The following SMS variants were observed in gnomAD, a reference collection of about 807,000 sequenced individuals.
SMS encodes the protein spermidine aminopropyltransferase.
SMS carries 3 observed loss-of-function variants against 33.0 expected under a neutral mutation model. The observed-to-expected ratio is 0.09, with a 90% CI of 0.04 to 0.23. The LOEUF is 0.23. Among genes scored for constraint, SMS ranks in the 10% least tolerant of loss-of-function variants. The probability of loss-of-function intolerance (pLI) is 1.00; values close to 1 mark genes in which losing one functional copy is unlikely to be tolerated. For synonymous variants in SMS, 103 were observed against 112.2 expected (o/e 0.92, Z 0.52); for missense variants, 117 against 288.6 (o/e 0.41, Z 4.31).
intron 1 of SMS, among the ~76,000 whole-genome samples, chrX:21,953,275 C>T (rs941099228): frequency 9.5e-6 from 1 of 105,562 alleles, no homozygotes; most frequent in Non-Finnish European, 1.9e-5. Flanking sequence ...AGTTAAGTTA[C>T]CTTTTAAGCA....
chrX:21,940,908 C>G, intron 1 of SMS, 35 bp downstream of exon 1: 1 of 967,979 alleles, frequency 1.0e-6, no homozygotes, highest in Non-Finnish European at 1.3e-6. Flanking sequence ...GTGGCCATCC[C>G]CGCCGCTCCC....
chrX:21,965,188 C>T (rs1411439862), intron 1 of SMS, among the ~76,000 whole-genome samples: 4 of 112,043 alleles, frequency 3.6e-5, no homozygotes, highest in Non-Finnish European at 7.5e-5. Flanking sequence ...AACTTAATTA[C>T]ATCTACAAAG....
At chrX:21,981,985 G>T (rs1374790611) in intron 7 of SMS, among the ~76,000 whole-genome samples, 1 of 110,723 alleles carries the variant, frequency 9.0e-6, no homozygotes, top group Non-Finnish European at 1.9e-5. Flanking sequence ...ATTTAAAAAG[G>T]TATAGAGGAT....
At chrX:21,949,352 A>G (rs1286482958) in intron 1 of SMS, among the ~76,000 whole-genome samples, 1 of 112,241 alleles carries the variant, frequency 8.9e-6, no homozygotes, top group Non-Finnish European at 1.9e-5. Flanking sequence ...TAATTGCAAT[A>G]CTTAGGGCAG....
intron 2 of SMS, 79 bp downstream of exon 2, chrX:21,967,395 C>A: frequency 9.2e-7 from 1 of 1,083,644 alleles, no homozygotes; most frequent in Non-Finnish European, 1.3e-6. Context: ...ATGGGGGTGG[C>A]ATCCGGCATT....
At chrX:21,985,268 T>C (rs771014851) in intron 9 of SMS, 45 bp downstream of exon 9, 8 of 804,846 alleles carry the variant, frequency 9.9e-6, no homozygotes, top group African/African-American at 8.1e-5. Flanking sequence ...TCTAAGACTT[T>C]CCTGTTTTGA....
chrX:21,967,401 G>A (rs1569347345), intron 2 of SMS, 85 bp downstream of exon 2: 3 of 1,056,560 alleles, frequency 2.8e-6, no homozygotes, highest in East Asian at 6.3e-5. Flanking sequence ...GTGGCATCCG[G>A]CATTTTTTTT....
In SMS at chrX:21,972,519, G is replaced by A; in HGVS notation, c.277G>A (p.Val93Ile). Reference sequence around the variant, plus strand: ...CTTTTAATTGTAGATTTTGAACAAAGTAGAGGAAAGAATGAAAGAATTGAG... The same window carrying A: ...CTTTTAATTGTAGATTTTGAACAAAATAGAGGAAAGAATGAAAGAATTGAG... ...KEEIDSILNK[V>I]EERMKELSQD... is the part of the protein sequence containing the mutation. Residue 93 changes from valine to isoleucine, a missense_variant, in exon 4 of 11, where the codon GTA (valine) becomes ATA (isoleucine). Physicochemically the swap from Val to Ile is conservative, Grantham distance 29 (BLOSUM62 3). Transcript: ENST00000404933. 1 of 1,186,323 alleles carries A rather than the reference G, an allele frequency of 8.4e-7. No individual in the cohort carries two copies. The highest frequency in any genetic ancestry group is 1.1e-6 in the Non-Finnish European group (1 of 872,428).
At chrX:21,953,260 CAA>C (rs776299153) in intron 1 of SMS, among the ~76,000 whole-genome samples, 22 of 104,857 alleles carry the variant, frequency 2.1e-4, no homozygotes, top group African/African-American at 7.5e-4. Flanking sequence ...GAGCCGTGAA[CAA>C]AGAGTTAAGT....
chrX:21,975,588 A>G (rs759764990), intron 4 of SMS, among the ~76,000 whole-genome samples: 1 of 111,378 alleles, frequency 9.0e-6, no homozygotes, highest in African/African-American at 3.3e-5. Flanking sequence ...GCTTCCTCCA[A>G]GTCCTGTTCG....
chrX:21,951,802 T>C (rs1922623349), intron 1 of SMS, among the ~76,000 whole-genome samples: 1 of 110,341 alleles, frequency 9.1e-6, no homozygotes, highest in Admixed American at 9.8e-5. Flanking sequence ...TTTATTTCTT[T>C]GAACAAAGGG....
At chrX:21,967,920 G>C (rs1923859174) in intron 2 of SMS, among the ~76,000 whole-genome samples, 1 of 112,455 alleles carries the variant, frequency 8.9e-6, no homozygotes, top group African/African-American at 3.2e-5. Context: ...CCTGGAGTAA[G>C]ATTTACCATA....
chrX:21,972,446 G>A, intron 3 of SMS, 61 bp from the exon 4 acceptor site: 1 of 778,651 alleles, frequency 1.3e-6, no homozygotes, highest in South Asian at 2.1e-5. Context: ...CGTTGGGTCT[G>A]TAATTTAGTT....
chrX:21,952,876 G>A (rs1429203391), intron 1 of SMS, among the ~76,000 whole-genome samples: 2 of 83,776 alleles, frequency 2.4e-5, no homozygotes, highest in South Asian at 6.7e-4. Flanking sequence ...CTCCCCTCCC[G>A]CCCCGCAAGG....
intron 1 of SMS, among the ~76,000 whole-genome samples, chrX:21,959,060 A>C (rs1245885567): frequency 8.9e-6 from 1 of 111,940 alleles, no homozygotes; most frequent in Non-Finnish European, 1.9e-5. Context: ...GCTACTGTGA[A>C]CATCTGTGTC....
In SMS at chrX:21,959,879, C is replaced by T. The variant is rs965350959; in HGVS notation, c.50-7317C>T. ...GCAGACTGGCTCTATTGCCAGCCAGCTCGCACACCATCTTCCCGTGGAGAG... is the reference window on the plus strand; with the variant it reads ...GCAGACTGGCTCTATTGCCAGCCAGTTCGCACACCATCTTCCCGTGGAGAG... On this transcript the variant is annotated intron_variant, in intron 1 of 10. Transcript: ENST00000404933. 12 of 747,177 alleles carry T rather than the reference C, an allele frequency of 1.6e-5. No individual in the cohort carries two copies. In the African/African-American group the frequency reaches 1.8e-4, roughly 12 times the overall value. The allele number at this position is 747,177 out of a possible 1,213,427, so 61.6% of individuals were successfully genotyped here.
rs1358944739 is a variant in SMS at position 21,991,885 on chromosome X, GC to G, written c.946-710del. ...CATAGCTTAGAAGAAAGTTGAAGAG[GC>G]CGGTGGCTCTTTCTTTGTTCAGAAT... is the stretch of plus-strand genomic sequence containing the variant. On this transcript the variant is annotated intron_variant, in intron 9 of 10. Transcript: ENST00000404933. 2.5e-4 allele frequency among the ~76,000 whole-genome samples: 28 copies of G among 111,748 alleles called. No homozygotes were observed. In the Admixed American group the frequency reaches 2.7e-3, roughly 11 times the overall value.
chrX:21,947,901 C>G (rs1922345039), intron 1 of SMS, among the ~76,000 whole-genome samples: 1 of 111,484 alleles, frequency 9.0e-6, no homozygotes, highest in African/African-American at 3.3e-5. Flanking sequence ...CATAGGAATT[C>G]TCATGCGTTA....
intron 4 of SMS, among the ~76,000 whole-genome samples, chrX:21,973,009 C>T (rs1924287787): frequency 9.0e-6 from 1 of 110,861 alleles, no homozygotes; most frequent in Non-Finnish European, 1.9e-5. Flanking sequence ...TCAGCACCTC[C>T]TTCTGGCAAC....
Sources: allele counts gnomAD v4.1 joint callset (sites outside exome capture counted in the v4.1 genomes callset), GRCh38; gene constraint gnomAD v4.1.1; transcripts MANE v1.5; gene names NCBI Gene and HGNC (gene_info 2026-07-23, HGNC 2026-07-21).